The following DCAF6 variants were observed in gnomAD, a reference collection of about 807,000 sequenced individuals.
The protein encoded by DCAF6 is DDB1 and CUL4 associated factor 6.
DCAF6 carries 54 observed loss-of-function variants against 125.1 expected under a neutral mutation model. The observed-to-expected ratio is 0.43, with a 90% CI of 0.35 to 0.54. The LOEUF (loss-of-function observed/expected upper bound fraction) is 0.54, where lower values mean the gene tolerates loss of function less well. DCAF6 is among the 20% of genes least tolerant of loss of function. The probability of loss-of-function intolerance (pLI) is 0.01; values close to 1 mark genes in which losing one functional copy is unlikely to be tolerated. For synonymous variants in DCAF6, 371 were observed against 390.4 expected (o/e 0.95, Z 0.58); for missense variants, 934 against 1,161.7 (o/e 0.80, Z 2.85).
the DCAF6 span, among the ~76,000 whole-genome samples, chr1:167,918,986 A>G: frequency 6.6e-6 from 1 of 152,170 alleles, no homozygotes; most frequent in Non-Finnish European, 1.5e-5. Flanking sequence ...TTCTACAAGA[A>G]CGTGACAAAC....
In DCAF6 at chr1:168,044,991, A is replaced by T; in HGVS notation, c.2022A>T (p.Glu674Asp). The T allele has an allele frequency of 6.2e-7, 1 of 1,614,138 alleles. No homozygotes were observed. Among genetic ancestry groups the T allele is most frequent in the Non-Finnish European group, 8.5e-7 (1 of 1,179,966 alleles). Residue 674 changes from glutamate (E) to aspartate (D), a missense_variant, in exon 16 of 22, where the codon GAA (glutamate) becomes GAT (aspartate). This residue lies in a region of DCAF6 where 559 missense variants were observed against 635.5 expected (regional missense o/e 0.88). Transcript: ENST00000367840. ...LNLDRSCGVP[E>D]ESASSEKAKE... ...TTGATCGCTCTTGTGGGGTTCCAGA[A>T]GAATCTGCTTCATCTGAAAAAGCCA... is the stretch of plus-strand genomic sequence containing the variant.
intron 4 of DCAF6, among the ~76,000 whole-genome samples, chr1:167,986,727 G>A (rs1680056619): frequency 6.6e-6 from 1 of 152,084 alleles, no homozygotes; most frequent in African/African-American, 2.4e-5. Context: ...GGTAATGCTC[G>A]CTCACCTGCT....
chr1:168,041,892 GCGCACACACA>G (rs56684519), intron 13 of DCAF6, among the ~76,000 whole-genome samples: 5,293 of 119,806 alleles, frequency 0.044, 265 homozygotes, highest in African/African-American at 0.12. Context: ...CATGTTTGTC[GCGCACACACA>G]CACACACACA....
intron 1 of DCAF6, among the ~76,000 whole-genome samples, chr1:167,942,035 G>A (rs958110230): frequency 6.6e-6 from 1 of 152,182 alleles, no homozygotes; most frequent in Non-Finnish European, 1.5e-5. Context: ...TGGTAGGCGT[G>A]TAGAAATATA....
chr1:168,057,565 T>G (rs1434209362), intron 17 of DCAF6, among the ~76,000 whole-genome samples: 1 of 152,222 alleles, frequency 6.6e-6, no homozygotes, highest in Non-Finnish European at 1.5e-5. Context: ...ATAATCAATT[T>G]TTTACCTATT....
the DCAF6 span, among the ~76,000 whole-genome samples, chr1:167,870,764 C>A: frequency 6.6e-6 from 1 of 150,704 alleles, no homozygotes; most frequent in South Asian, 2.1e-4. Context: ...AGCCGGGATC[C>A]TGCCATTGCA....
intron 21 of DCAF6, among the ~76,000 whole-genome samples, chr1:168,074,740 ATGAGTAAACCTT>A (rs1558063803): frequency 6.6e-6 from 1 of 152,170 alleles, no homozygotes; most frequent in Non-Finnish European, 1.5e-5. Flanking sequence ...TTGTATTGAG[ATGAGTAAACCTT>A]TATAGCTAAA....
chr1:167,935,047 G>C (rs182595807), upstream of DCAF6, among the ~76,000 whole-genome samples: 1 of 152,120 alleles, frequency 6.6e-6, no homozygotes, highest in African/African-American at 2.4e-5. Context: ...CTCATAGACC[G>C]CGTATTACAC....
intron 3 of DCAF6, among the ~76,000 whole-genome samples, chr1:167,972,580 G>A (rs2102875459): frequency 6.6e-6 from 1 of 152,286 alleles, no homozygotes; most frequent in East Asian, 1.9e-4. Flanking sequence ...AATAATCCAG[G>A]TAAGAGGGAA....
intron 7 of DCAF6, among the ~76,000 whole-genome samples, chr1:168,001,585 A>G (rs929566457): frequency 6.6e-6 from 1 of 152,186 alleles, no homozygotes; most frequent in African/African-American, 2.4e-5. Flanking sequence ...AAGTAAAGTG[A>G]TAGCAAGAGA....
chr1:167,958,913 T>C (rs1383315099), intron 2 of DCAF6, among the ~76,000 whole-genome samples: 4 of 152,184 alleles, frequency 2.6e-5, no homozygotes, highest in African/African-American at 9.7e-5. Flanking sequence ...TAGTTTACAA[T>C]AGGGCTCACT....
chr1:167,950,152 A>G (rs1429271584), intron 1 of DCAF6, among the ~76,000 whole-genome samples: 1 of 143,378 alleles, frequency 7.0e-6, no homozygotes, highest in Non-Finnish European at 1.5e-5. Flanking sequence ...CATGTTTCAA[A>G]CGCAGGTTTT....
chr1:167,924,448 TA>T, the DCAF6 span: 2 of 1,490,030 alleles, frequency 1.3e-6, no homozygotes, highest in Non-Finnish European at 1.8e-6. Context: ...AGTAAATTCC[TA>T]TTAAGGAATT....
chr1:168,015,287 T>G (rs928267158), intron 10 of DCAF6, among the ~76,000 whole-genome samples: 6 of 152,216 alleles, frequency 3.9e-5, no homozygotes, highest in Non-Finnish European at 2.9e-5. Context: ...AGCTGAAGAA[T>G]ATATAACTCA....
rs77419003 is a variant in DCAF6 at position 168,005,525 on chromosome 1, T to C, written c.1378+732T>C. On this transcript the variant is annotated intron_variant, in intron 10 of 21. Transcript: ENST00000367840. ...GTACTTTAAACTATATACATGTAAT[T>C]ATAAAAACCAATAAGATATTTATTC... Among the ~76,000 whole-genome samples, 53 of 152,250 alleles carry C rather than the reference T, an allele frequency of 3.5e-4. No individual in the cohort carries two copies. In the East Asian group the frequency reaches 9.6e-3, roughly 28 times the overall value.
intron 1 of DCAF6, among the ~76,000 whole-genome samples, chr1:167,946,043 G>C (rs1673031841): frequency 7.2e-6 from 1 of 139,242 alleles, no homozygotes; most frequent in Non-Finnish European, 1.5e-5. Context: ...TGCAAGCTCT[G>C]CCTCCCGGGT....
At chr1:167,920,217 GA>G in the DCAF6 span, 5 of 631,976 alleles carry the variant, frequency 7.9e-6, no homozygotes, top group Non-Finnish European at 1.3e-5. Flanking sequence ...GCTATACTCT[GA>G]ATTTTCAATG....
intron 6 of DCAF6, among the ~76,000 whole-genome samples, chr1:167,992,565 G>A (rs982483396): frequency 6.6e-6 from 1 of 152,162 alleles, no homozygotes; most frequent in Admixed American, 6.6e-5. Flanking sequence ...TTTCTCAACA[G>A]GTGGACACAA....
In DCAF6 at chr1:167,936,981, C is replaced by T; in HGVS notation, c.70C>T (p.Pro24Ser). The change falls in exon 1 of 22, where the codon CCG becomes TCG. Residue 24 changes from proline to serine, a missense_variant. Physicochemically the swap from Pro to Ser is moderately conservative, Grantham distance 74. Coordinates refer to ENST00000367840, the MANE Select transcript of DCAF6 (RefSeq NM_001198956.2). ...VRKRSLGLED[P>S]SRLRSRYLGR... ...GAAAAGGTCCCTCGGGCTGGAGGAC[C>T]CGTCCCGGCTGCGGAGTCGCTACCT... 6.2e-7 allele frequency: 1 copy of T among 1,610,854 alleles called. No homozygotes were observed. Among genetic ancestry groups the T allele is most frequent in the Non-Finnish European group, 8.5e-7 (1 of 1,179,100 alleles).
Sources: allele counts gnomAD v4.1 joint callset (sites outside exome capture counted in the v4.1 genomes callset), GRCh38; gene constraint gnomAD v4.1.1; regional missense constraint gnomAD v4.1.1; transcripts MANE v1.5; gene names NCBI Gene and HGNC (gene_info 2026-07-23, HGNC 2026-07-21).